Variants in CAST observed in about 807,000 individuals in gnomAD.
CAST encodes calpastatin.
In CAST, 76 loss-of-function variants were observed where a neutral mutation model predicts 119.6. That is an observed-to-expected ratio of 0.64 (90% CI 0.53 to 0.77). CAST has a LOEUF of 0.77. Among genes scored for constraint, CAST ranks in the 30% least tolerant of loss-of-function variants. The probability of loss-of-function intolerance (pLI) is 0.00; values close to 1 mark genes in which losing one functional copy is unlikely to be tolerated. For missense variants in CAST, 953 were observed against 946.5 expected (o/e 1.01, Z -0.09); for synonymous variants, 319 against 331.6 (o/e 0.96, Z 0.41).
At chr5:96,153,728 A>G in the CAST span, among the ~76,000 whole-genome samples, 1 of 152,166 alleles carries the variant, frequency 6.6e-6, no homozygotes, top group Admixed American at 6.5e-5. Context: ...TTCAGGCTAG[A>G]CTGAAAATGT....
At chr5:96,076,070 C>G in the CAST span, among the ~76,000 whole-genome samples, 1 of 152,136 alleles carries the variant, frequency 6.6e-6, no homozygotes. Context: ...CTTGATAACT[C>G]TTTTTCTTCC....
At position 96,596,053 on chromosome 5, in the gene CAST, A is replaced by T. The variant is rs553630840; in HGVS notation, c.60+66173A>T. On this transcript the variant is annotated intron_variant, in intron 1 of 11. Coordinates refer to the CAST transcript ENST00000505143. Reference sequence around the variant, plus strand: ...GCTTAGGAGTGTGAGGTGTAGGAATAGTATGGTAGGCTGAATCATGCCTCT... The same window carrying T: ...GCTTAGGAGTGTGAGGTGTAGGAATTGTATGGTAGGCTGAATCATGCCTCT... 7.9e-4 allele frequency among the ~76,000 whole-genome samples: 121 copies of T among 152,330 alleles called. 1 individual carries two copies. The highest frequency in any genetic ancestry group is 1.5e-3 in the Non-Finnish European group (100 of 68,032).
At chr5:96,291,437 A>G in the CAST span, among the ~76,000 whole-genome samples, 1 of 152,204 alleles carries the variant, frequency 6.6e-6, no homozygotes, top group Admixed American at 6.5e-5. Flanking sequence ...ATGGTCCTCC[A>G]TTCTACAAGA....
At chr5:96,214,147 A>C in the CAST span, among the ~76,000 whole-genome samples, 2 of 152,224 alleles carry the variant, frequency 1.3e-5, no homozygotes, top group South Asian at 4.1e-4. Context: ...TTAAATCTAA[A>C]AATCTGCATG....
rs898162853 is a variant in CAST, at chr5:96,624,278, C to T, written c.61-51261C>T. ...TCACTATGGGAAAGAAGCAACTATC[C>T]TTAGACAGTAGAGTGTTTCAACACG... On this transcript the variant is annotated intron_variant, in intron 1 of 11. Transcript: ENST00000505143. Among the ~76,000 whole-genome samples, 3 of 152,264 alleles carry T rather than the reference C, an allele frequency of 2.0e-5. No individual in the cohort carries two copies. The East Asian group carries it at 5.8e-4, about 29-fold the overall frequency.
At chr5:96,204,371 GTC>G in the CAST span, among the ~76,000 whole-genome samples, 1 of 151,916 alleles carries the variant, frequency 6.6e-6, no homozygotes, top group African/African-American at 2.4e-5. Flanking sequence ...TTTGTGAGGT[GTC>G]TACACTGATG....
intron 3 of CAST, among the ~76,000 whole-genome samples, chr5:96,705,684 TTAATAGTTCTAA>T (rs906579896): frequency 2.0e-5 from 3 of 152,170 alleles, no homozygotes; most frequent in Admixed American, 2.0e-4. Flanking sequence ...AATATTTATA[TTAATAGTTCTAA>T]TAATAGTTCT....
chr5:96,349,408 A>T, the CAST span, among the ~76,000 whole-genome samples: 1 of 152,024 alleles, frequency 6.6e-6, no homozygotes, highest in Non-Finnish European at 1.5e-5. Context: ...CTGTAATTTT[A>T]AAAAGATCTA....
chr5:96,493,810 G>GGGCA, the CAST span, among the ~76,000 whole-genome samples: 1 of 152,112 alleles, frequency 6.6e-6, no homozygotes, highest in Non-Finnish European at 1.5e-5. Context: ...AGGACAAGGT[G>GGGCA]GATCACCTGA....
In CAST at chr5:96,581,574, T is replaced by C. The variant is rs191969595; in HGVS notation, c.60+51694T>C. The stretch of plus-strand genomic sequence containing the variant: ...TGAGAATTACATATATACATACAAA[T>C]ATGTTTACTGCAAAGCCTTAAAAAC... On this transcript the variant is annotated intron_variant, in intron 1 of 11. Transcript: ENST00000505143. Among the ~76,000 whole-genome samples the C allele has an allele frequency of 2.6e-3, 392 of 152,308 alleles. 2 individuals carry two copies. The highest frequency in any genetic ancestry group is 4.5e-3 in the Non-Finnish European group (304 of 68,030).
At chr5:96,688,969 G>A (rs1468467857) in intron 2 of CAST, among the ~76,000 whole-genome samples, 2 of 151,908 alleles carry the variant, frequency 1.3e-5, no homozygotes, top group African/African-American at 2.4e-5. Flanking sequence ...CTGCTGCTGT[G>A]TGTGTGTATA....
the CAST span, among the ~76,000 whole-genome samples, chr5:96,153,502 G>A: frequency 3.3e-5 from 5 of 152,262 alleles, no homozygotes; most frequent in East Asian, 3.9e-4. Context: ...GTGGAGCAGC[G>A]GGCTGGAGGA....
the CAST span, among the ~76,000 whole-genome samples, chr5:96,127,894 C>T: frequency 6.6e-6 from 1 of 152,050 alleles, no homozygotes; most frequent in East Asian, 1.9e-4. Flanking sequence ...ATGTGTGCCT[C>T]ATGCGACTGA....
Position 96,748,607 on chromosome 5 carries a change from G to T in CAST, c.1422G>T (p.Lys474Asn). 1 of 1,450,406 alleles carries T rather than the reference G, an allele frequency of 6.9e-7. No homozygotes were observed. The highest frequency in any genetic ancestry group is 1.2e-5 in the South Asian group (1 of 86,192). 89.8% of individuals were successfully genotyped at this position (1,450,406 alleles called of 1,614,324 possible). A position where few individuals can be genotyped will look rare whatever the true frequency, so the allele number is the denominator to read the frequency against. ...CKEKPSKPTE[K>N]TEESKAAAPA... Reference sequence around the variant, plus strand: ...AGAAACCATCTAAGCCAACTGAAAAGACAGAAGTATGTTTCTAAACATATA... The same window carrying T: ...AGAAACCATCTAAGCCAACTGAAAATACAGAAGTATGTTTCTAAACATATA... The change falls in exon 19 of 32, where the codon AAG (lysine) becomes AAT (asparagine). Residue 474 changes from lysine (K) to asparagine (N), a missense_variant. Lys to Asn is a moderately conservative substitution (Grantham distance 94). Coordinates refer to ENST00000675179, the MANE Select transcript of CAST (RefSeq NM_001750.7).
At chr5:96,464,722 A>G in the CAST span, among the ~76,000 whole-genome samples, 1 of 152,054 alleles carries the variant, frequency 6.6e-6, no homozygotes, top group Admixed American at 6.6e-5. Flanking sequence ...CTATTCTTCC[A>G]AAAAAGTGCA....
chr5:96,030,624 C>T, the CAST span, among the ~76,000 whole-genome samples: 1,480 of 152,262 alleles, frequency 9.7e-3, 30 homozygotes, highest in African/African-American at 0.033. Flanking sequence ...ATAAGAATAC[C>T]AGATGCCTGG....
At chr5:96,218,017 C>T in the CAST span, among the ~76,000 whole-genome samples, 1 of 152,132 alleles carries the variant, frequency 6.6e-6, no homozygotes, top group East Asian at 1.9e-4. Context: ...TCTCCTACCT[C>T]AGTTAATTGA....
At chr5:96,524,346 C>T (rs752242636), upstream of CAST, among the ~76,000 whole-genome samples, 1 of 152,202 alleles carries the variant, frequency 6.6e-6, no homozygotes, top group African/African-American at 2.4e-5. Flanking sequence ...AAGACAATGA[C>T]AGTGAAGTAT....
rs1772895371 is a variant in CAST, at chr5:96,772,660, C to T, written c.*44C>T. ...TTAAGGTATCTGCATGTAAAATCTT[C>T]AGCTGGTGGATGGTGACTTTTGAAG... On this transcript the variant is annotated 3_prime_UTR_variant, in exon 32 of 32. Transcript: ENST00000675179. 1 of 152,646 alleles carries T rather than the reference C, an allele frequency of 6.6e-6. No individual in the cohort carries two copies. Among genetic ancestry groups the T allele is most frequent in the Non-Finnish European group, 1.5e-5 (1 of 68,000 alleles). 9.5% of individuals were successfully genotyped at this position (152,646 alleles called of 1,614,324 possible). A position where few individuals can be genotyped will look rare whatever the true frequency, so the allele number is the denominator to read the frequency against.
Sources: gnomAD v4.1 joint callset for allele counts (sites outside exome capture counted in the v4.1 genomes callset) on GRCh38, gnomAD v4.1.1 for gene constraint, MANE v1.5 for transcripts, NCBI Gene and HGNC (gene_info 2026-07-23, HGNC 2026-07-21) for gene names.